The following GALNT13 variants were observed in gnomAD, a reference collection of about 807,000 sequenced individuals.
GALNT13 encodes the protein polypeptide N-acetylgalactosaminyltransferase 13, also known as UDP-GalNAc:polypeptide N-acetylgalactosaminyltransferase 13.
GALNT13 carries 28 observed loss-of-function variants against 64.2 expected under a neutral mutation model. That is an observed-to-expected ratio of 0.44 (90% CI 0.32 to 0.60). The LOEUF (loss-of-function observed/expected upper bound fraction) is 0.60. Ranked by LOEUF, GALNT13 falls within the 20% of genes least tolerant of loss-of-function variation. The pLI is 0.05. For synonymous variants in GALNT13, 214 were observed against 224.6 expected (o/e 0.95, Z 0.42); for missense variants, 577 against 669.8 (o/e 0.86, Z 1.53).
chr2:153,550,040 C>A, the GALNT13 span, among the ~76,000 whole-genome samples: 1 of 152,074 alleles, frequency 6.6e-6, no homozygotes, highest in Non-Finnish European at 1.5e-5. Flanking sequence ...TGATCTTGTG[C>A]CAAAGAGGAA....
intron 2 of GALNT13, among the ~76,000 whole-genome samples, chr2:153,918,920 C>CCT (rs890313033): frequency 4.6e-5 from 7 of 152,224 alleles, no homozygotes; most frequent in Non-Finnish European, 1.0e-4. Flanking sequence ...TTCATTCACA[C>CCT]CTCAACACAC....
intron 11 of GALNT13, among the ~76,000 whole-genome samples, chr2:154,425,022 T>C (rs1441580912): frequency 6.6e-6 from 1 of 152,236 alleles, no homozygotes; most frequent in South Asian, 2.1e-4. Flanking sequence ...AAATTTTGAA[T>C]ATTGTGTCCG....
intron 3 of GALNT13, among the ~76,000 whole-genome samples, chr2:154,071,425 T>C (rs1041737271): frequency 6.6e-6 from 1 of 152,194 alleles, no homozygotes; most frequent in Non-Finnish European, 1.5e-5. Flanking sequence ...ATGTAGGAAA[T>C]TTGTAAATGA....
the GALNT13 span, among the ~76,000 whole-genome samples, chr2:153,677,718 A>C: frequency 6.6e-6 from 1 of 151,912 alleles, no homozygotes; most frequent in Non-Finnish European, 1.5e-5. Flanking sequence ...GACACAGACC[A>C]ATGAAGCTGC....
At chr2:153,668,314 A>C in the GALNT13 span, among the ~76,000 whole-genome samples, 2 of 152,170 alleles carry the variant, frequency 1.3e-5, no homozygotes, top group Non-Finnish European at 2.9e-5. Context: ...CATTCTTCTC[A>C]TCTGTATGTG....
At chr2:153,196,256 G>T in the GALNT13 span, among the ~76,000 whole-genome samples, 3 of 152,194 alleles carry the variant, frequency 2.0e-5, no homozygotes, top group African/African-American at 7.2e-5. Context: ...TGTCCAGGCT[G>T]CTCATGCCAA....
the GALNT13 span, among the ~76,000 whole-genome samples, chr2:153,794,196 T>G: frequency 6.6e-6 from 1 of 152,188 alleles, no homozygotes; most frequent in Admixed American, 6.5e-5. Context: ...AACTTTTAAA[T>G]TAAACTTCAC....
intron 3 of GALNT13, among the ~76,000 whole-genome samples, chr2:154,140,006 A>T (rs2105577750): frequency 6.6e-6 from 1 of 152,166 alleles, no homozygotes. Context: ...ATTTTGCATT[A>T]TTTTGTCTGC....
chr2:153,106,000 C>A, the GALNT13 span, among the ~76,000 whole-genome samples: 1 of 152,110 alleles, frequency 6.6e-6, no homozygotes, highest in Non-Finnish European at 1.5e-5. Context: ...GCTGTCAAGT[C>A]TCTGTTGACA....
the GALNT13 span, among the ~76,000 whole-genome samples, chr2:153,075,207 G>T: frequency 1.2e-4 from 18 of 152,046 alleles, no homozygotes; most frequent in Non-Finnish European, 2.4e-4. Flanking sequence ...AAGGTCCCTG[G>T]TTTCTTTCAG....
At chr2:153,432,874 A>C in the GALNT13 span, among the ~76,000 whole-genome samples, 1 of 152,214 alleles carries the variant, frequency 6.6e-6, no homozygotes, top group Non-Finnish European at 1.5e-5. Context: ...TCCATCAAAC[A>C]GAATGATTTG....
At chr2:154,053,150 T>C (rs13016492) in intron 3 of GALNT13, among the ~76,000 whole-genome samples, 28,367 of 152,062 alleles carry the variant, frequency 0.19, 3,363 homozygotes, top group Non-Finnish European at 0.26. Context: ...CTTAAAGATA[T>C]CTGACAAACA....
At chr2:153,943,224 T>G (rs1347933720) in intron 2 of GALNT13, among the ~76,000 whole-genome samples, 1 of 152,168 alleles carries the variant, frequency 6.6e-6, no homozygotes, top group Non-Finnish European at 1.5e-5. Context: ...GAAAAATGTC[T>G]CTTAATAATT....
intron 3 of GALNT13, among the ~76,000 whole-genome samples, chr2:154,022,172 A>G (rs966365116): frequency 6.6e-6 from 1 of 151,996 alleles, no homozygotes; most frequent in Non-Finnish European, 1.5e-5. Context: ...CTCTTTATTG[A>G]TTGTGTCTCT....
chr2:154,192,119 A>G (rs904102070), intron 4 of GALNT13, among the ~76,000 whole-genome samples: 1 of 152,134 alleles, frequency 6.6e-6, no homozygotes, highest in African/African-American at 2.4e-5. Flanking sequence ...CCCCGGGGCA[A>G]ACTGCGCATC....
chr2:154,399,657 C>A (rs1699209594), intron 10 of GALNT13, among the ~76,000 whole-genome samples: 1 of 152,146 alleles, frequency 6.6e-6, no homozygotes, highest in Non-Finnish European at 1.5e-5. Context: ...CTCTTGGCTG[C>A]ACCTCTTAAT....
At chr2:153,981,332 C>T (rs1287624702) in intron 3 of GALNT13, among the ~76,000 whole-genome samples, 2 of 152,020 alleles carry the variant, frequency 1.3e-5, no homozygotes, top group Non-Finnish European at 2.9e-5. Flanking sequence ...TCGTCATTTA[C>T]GTTAGGTATA....
At chr2:154,087,924 G>T (rs1362244897) in intron 3 of GALNT13, among the ~76,000 whole-genome samples, 1 of 152,078 alleles carries the variant, frequency 6.6e-6, no homozygotes, top group Non-Finnish European at 1.5e-5. Flanking sequence ...TAGCACTTTT[G>T]TAGAAACTCC....
chr2:153,085,042 C>T, the GALNT13 span, among the ~76,000 whole-genome samples: 12 of 152,164 alleles, frequency 7.9e-5, no homozygotes, highest in East Asian at 5.8e-4. Context: ...TGGTCTCAGA[C>T]GGAGATGAGG....
Sources: gnomAD v4.1 joint callset for allele counts (sites outside exome capture counted in the v4.1 genomes callset) on GRCh38, gnomAD v4.1.1 for gene constraint, MANE v1.5 for transcripts, NCBI Gene and HGNC (gene_info 2026-07-23, HGNC 2026-07-21) for gene names.